Variants in NELL1 observed in about 807,000 individuals in gnomAD.
The protein encoded by NELL1 is neural EGFL like 1, also known as protein kinase C-binding protein NELL1.
NELL1 carries 76 observed loss-of-function variants against 107.4 expected under a neutral mutation model. That is an observed-to-expected ratio of 0.71 (90% CI 0.59 to 0.86). The LOEUF is 0.86. Ranked by LOEUF, NELL1 falls within the 40% of genes least tolerant of loss-of-function variation. The pLI is 0.00. For missense variants in NELL1, 1,024 were observed against 1,005.5 expected (o/e 1.02, Z -0.25); for synonymous variants, 353 against 341.2 (o/e 1.03, Z -0.38).
chr11:21,319,048 T>C (rs956706280), intron 14 of NELL1, among the ~76,000 whole-genome samples: 1 of 152,086 alleles, frequency 6.6e-6, no homozygotes, highest in African/African-American at 2.4e-5. Context: ...CATTATTACT[T>C]ATATGCATGT....
chr11:21,542,274 A>C (rs1564950768), intron 16 of NELL1, among the ~76,000 whole-genome samples: 1 of 152,088 alleles, frequency 6.6e-6, no homozygotes, highest in Non-Finnish European at 1.5e-5. Context: ...CAGAAGCCAT[A>C]ATCCAGGTGT....
At chr11:21,175,388 T>C (rs1418901800) in intron 13 of NELL1, among the ~76,000 whole-genome samples, 1 of 151,874 alleles carries the variant, frequency 6.6e-6, no homozygotes, top group East Asian at 1.9e-4. Flanking sequence ...TGAATGCACA[T>C]ATGTTATATC....
intron 15 of NELL1, among the ~76,000 whole-genome samples, chr11:21,452,699 G>A (rs1358381713): frequency 6.6e-6 from 1 of 151,816 alleles, no homozygotes; most frequent in African/African-American, 2.4e-5. Flanking sequence ...CCTTCCTACA[G>A]TGTACTTTGT....
chr11:21,151,975 C>T (rs1856128181), intron 13 of NELL1, among the ~76,000 whole-genome samples: 1 of 152,202 alleles, frequency 6.6e-6, no homozygotes, highest in African/African-American at 2.4e-5. Context: ...CTCTTCAAAT[C>T]TTGACTGTAA....
At chr11:20,950,414 T>A (rs1851047172) in intron 11 of NELL1, among the ~76,000 whole-genome samples, 1 of 152,218 alleles carries the variant, frequency 6.6e-6, no homozygotes. Flanking sequence ...TTGCTCCACA[T>A]CTCTTAATTC....
chr11:20,896,074 T>C (rs938408615), intron 5 of NELL1, among the ~76,000 whole-genome samples: 1 of 152,190 alleles, frequency 6.6e-6, no homozygotes, highest in Non-Finnish European at 1.5e-5. Context: ...AGATTTTTGG[T>C]GCACTCATCA....
At chr11:20,869,659 G>T (rs546989810) in intron 4 of NELL1, among the ~76,000 whole-genome samples, 9 of 152,206 alleles carry the variant, frequency 5.9e-5, no homozygotes, top group Admixed American at 5.9e-4. Flanking sequence ...AGGCAAATAA[G>T]AGCTGGTTTC....
In NELL1 at chr11:21,162,038, C is replaced by T. The variant is rs140664905; in HGVS notation, c.1426+48324C>T. Among the ~76,000 whole-genome samples, 485 of 147,966 alleles carry T rather than the reference C, an allele frequency of 3.3e-3. 4 individuals are homozygous for T. Among genetic ancestry groups the T allele is most frequent in the African/African-American group, 0.012 (476 of 40,194 alleles). ...CAATCTCAGCTCACTTCACCCTCCA[C>T]CTCCCAGGTTCAAGTGATTTTCCTG... On this transcript the variant is annotated intron_variant, in intron 13 of 19. Transcript: ENST00000357134.
chr11:20,697,729 T>G (rs1256470485), intron 2 of NELL1, among the ~76,000 whole-genome samples: 1 of 152,138 alleles, frequency 6.6e-6, no homozygotes, highest in African/African-American at 2.4e-5. Flanking sequence ...GGATAAAGTC[T>G]TAAGAGTGTT....
At chr11:21,307,853 A>C (rs1180920241) in intron 14 of NELL1, among the ~76,000 whole-genome samples, 1 of 151,850 alleles carries the variant, frequency 6.6e-6, no homozygotes, top group South Asian at 2.1e-4. Flanking sequence ...TTTAATTAGC[A>C]AGTAAAAAAA....
intron 2 of NELL1, among the ~76,000 whole-genome samples, chr11:20,723,895 C>T (rs1855450987): frequency 6.6e-6 from 1 of 152,228 alleles, no homozygotes; most frequent in Admixed American, 6.5e-5. Context: ...TTGACTTCTG[C>T]ACACCCACAT....
At chr11:21,208,786 C>T (rs953899618) in intron 13 of NELL1, among the ~76,000 whole-genome samples, 5 of 151,812 alleles carry the variant, frequency 3.3e-5, no homozygotes, top group African/African-American at 1.2e-4. Flanking sequence ...AGTTATAGCC[C>T]GAAGAAAGAT....
chr11:20,852,081 C>A (rs764180776), intron 4 of NELL1, among the ~76,000 whole-genome samples: 2 of 152,198 alleles, frequency 1.3e-5, no homozygotes, highest in Admixed American at 6.5e-5. Flanking sequence ...GCATCCCTAC[C>A]CTGTGTTAAC....
chr11:21,180,674 T>C (rs938516806), intron 13 of NELL1, among the ~76,000 whole-genome samples: 2 of 151,836 alleles, frequency 1.3e-5, no homozygotes, highest in Non-Finnish European at 2.9e-5. Context: ...CTACATTTTA[T>C]CATAGAAGTT....
At chr11:21,374,866 T>C (rs1851433736) in intron 15 of NELL1, among the ~76,000 whole-genome samples, 1 of 147,852 alleles carries the variant, frequency 6.8e-6, no homozygotes, top group Non-Finnish European at 1.5e-5. Context: ...TACCAGGCTG[T>C]GTGGAACTGA....
At chr11:21,032,227 A>G (rs1852980247) in intron 12 of NELL1, among the ~76,000 whole-genome samples, 1 of 152,030 alleles carries the variant, frequency 6.6e-6, no homozygotes, top group Non-Finnish European at 1.5e-5. Flanking sequence ...GGAGTCTGTC[A>G]TTCTCAGCAT....
intron 15 of NELL1, among the ~76,000 whole-genome samples, chr11:21,523,170 A>G (rs1454407184): frequency 2.6e-5 from 4 of 151,968 alleles, no homozygotes; most frequent in African/African-American, 9.7e-5. Flanking sequence ...TTCTGAAACC[A>G]ATATAGCTAT....
chr11:21,223,817 A>G (rs76252047), intron 13 of NELL1, among the ~76,000 whole-genome samples: 1 of 152,344 alleles, frequency 6.6e-6, no homozygotes, highest in African/African-American at 2.4e-5. Flanking sequence ...TTCCTGATGT[A>G]GGACTTTGTT....
intron 2 of NELL1, among the ~76,000 whole-genome samples, chr11:20,698,468 A>G (rs1055300781): frequency 3.3e-5 from 5 of 152,210 alleles, no homozygotes; most frequent in African/African-American, 1.2e-4. Context: ...TTTAGAAACT[A>G]TTTAGCTATA....
Sources: allele counts gnomAD v4.1 joint callset (sites outside exome capture counted in the v4.1 genomes callset), GRCh38; gene constraint gnomAD v4.1.1; transcripts MANE v1.5; gene names NCBI Gene and HGNC (gene_info 2026-07-23, HGNC 2026-07-21).